TTC39B: variants seen among roughly 807,000 people sequenced by gnomAD.
TTC39B encodes tetratricopeptide repeat domain 39B.
Under a neutral mutation model 96.6 loss-of-function variants are expected in TTC39B, and 92 were observed. The observed-to-expected ratio is 0.95, with a 90% CI of 0.80 to 1.13. The LOEUF (loss-of-function observed/expected upper bound fraction) is 1.13, where lower values mean the gene tolerates loss of function less well. Among genes scored for constraint, TTC39B ranks in the 50% most tolerant of loss-of-function variants. The pLI, the probability that TTC39B is intolerant of heterozygous loss-of-function variation, is 0.00. For missense variants in TTC39B, 955 were observed against 809.3 expected (o/e 1.18, Z -2.18); for synonymous variants, 367 against 299.4 (o/e 1.23, Z -2.33).
At chr9:15,193,921 A>G (rs1819002724) in intron 8 of TTC39B, among the ~76,000 whole-genome samples, 1 of 152,214 alleles carries the variant, frequency 6.6e-6, no homozygotes. Context: ...TTCCGAATGA[A>G]AAGAGACTAA....
chr9:15,172,191 T>A (rs1817697891), intron 19 of TTC39B, 82 bp from the exon 20 acceptor site: 1 of 913,182 alleles, frequency 1.1e-6, no homozygotes, highest in Admixed American at 2.0e-5. Context: ...CTCTCTCTGA[T>A]CTACTTACTT....
intron 2 of TTC39B, among the ~76,000 whole-genome samples, chr9:15,252,717 T>G (rs1216530164): frequency 6.6e-6 from 1 of 152,210 alleles, no homozygotes; most frequent in African/African-American, 2.4e-5. Context: ...GTTAGTGATG[T>G]GTATCCAAAA....
At chr9:15,182,367 C>T (rs1818292829) in exon 17 of TTC39B, 1 of 1,611,870 alleles carries the variant, frequency 6.2e-7, no homozygotes, top group Admixed American at 1.7e-5. Context: ...TCAGAAAGGT[C>T]TTTTCTTTTG....
At chr9:15,201,235 T>A (rs1487554704) in intron 7 of TTC39B, among the ~76,000 whole-genome samples, 3 of 151,570 alleles carry the variant, frequency 2.0e-5, no homozygotes, top group African/African-American at 4.8e-5. Context: ...GAAAAGAATT[T>A]CTTAAATTAG....
At chr9:15,178,007 C>T (rs1257934174) in intron 17 of TTC39B, among the ~76,000 whole-genome samples, 193 bp from the exon 18 acceptor site, 6 of 151,500 alleles carry the variant, frequency 4.0e-5, no homozygotes, top group Admixed American at 3.3e-4. Flanking sequence ...GTAGCTGGGA[C>T]TACAGGTGCC....
intron 2 of TTC39B, among the ~76,000 whole-genome samples, chr9:15,236,160 G>C (rs1187003198): frequency 6.6e-6 from 1 of 152,164 alleles, no homozygotes; most frequent in African/African-American, 2.4e-5. Flanking sequence ...AAGTGAGCAG[G>C]AGTGACTATT....
intron 2 of TTC39B, chr9:15,250,078 T>C (rs1434210693): frequency 7.8e-7 from 1 of 1,280,802 alleles, no homozygotes; most frequent in Non-Finnish European, 1.0e-6. Flanking sequence ...TATTCCTTGG[T>C]CTCCAGTGAG....
intron 2 of TTC39B, among the ~76,000 whole-genome samples, chr9:15,242,984 T>C (rs1487988182): frequency 6.6e-6 from 1 of 152,184 alleles, no homozygotes; most frequent in East Asian, 1.9e-4. Flanking sequence ...CAGTGGAGAA[T>C]GCCAAGCCCT....
chr9:15,231,051 T>C lies in TTC39B; in HGVS notation c.276-5039A>G, dbSNP rs115991333. Among the ~76,000 whole-genome samples, 1,498 of 152,270 alleles carry C rather than the reference T, an allele frequency of 9.8e-3. 24 individuals carry two copies. The highest frequency in any genetic ancestry group is 0.034 in the African/African-American group (1,421 of 41,552). On this transcript the variant is annotated intron_variant, in intron 2 of 19. Coordinates refer to ENST00000512701, the Ensembl canonical transcript of TTC39B. ...TTTTCATTTCTCTTAATTATATATCTAGCATTGCTATGGAATGCTAAATTA... is the reference window on the plus strand; with the variant it reads ...TTTTCATTTCTCTTAATTATATATCCAGCATTGCTATGGAATGCTAAATTA...
intron 2 of TTC39B, among the ~76,000 whole-genome samples, chr9:15,263,267 T>C (rs1256645533): frequency 2.0e-5 from 3 of 152,232 alleles, no homozygotes; most frequent in African/African-American, 4.8e-5. Context: ...AAAGTACCGA[T>C]GTTCACTGAG....
exon 20 of TTC39B, chr9:15,166,440 T>A (rs185250614): frequency 6.6e-6 from 1 of 152,332 alleles, no homozygotes; most frequent in East Asian, 1.9e-4. Flanking sequence ...GCCATCTCAG[T>A]CCACTAAACA....
intron 2 of TTC39B, among the ~76,000 whole-genome samples, chr9:15,236,319 C>A (rs1318597048): frequency 6.6e-6 from 1 of 152,142 alleles, no homozygotes; most frequent in African/African-American, 2.4e-5. Context: ...CCAGATTTAT[C>A]AAACAAATGC....
At chr9:15,272,066 A>G (rs116984956) in intron 1 of TTC39B, among the ~76,000 whole-genome samples, 1 of 152,114 alleles carries the variant, frequency 6.6e-6, no homozygotes, top group Non-Finnish European at 1.5e-5. Flanking sequence ...CTACAGAAAG[A>G]CCAGTGCTTC....
intron 1 of TTC39B, among the ~76,000 whole-genome samples, chr9:15,288,921 G>C (rs1406960072): frequency 1.7e-4 from 26 of 152,242 alleles, no homozygotes; most frequent in Admixed American, 1.7e-3. Flanking sequence ...CATCCCATGA[G>C]GGGAGTCAGG....
chr9:15,229,717 G>C (rs922131319), intron 2 of TTC39B, among the ~76,000 whole-genome samples: 3 of 152,114 alleles, frequency 2.0e-5, no homozygotes, highest in African/African-American at 4.8e-5. Flanking sequence ...GTCTGTTTCT[G>C]GGCATTCTTT....
chr9:15,241,982 T>C (rs1326742321), intron 2 of TTC39B, among the ~76,000 whole-genome samples: 1 of 152,052 alleles, frequency 6.6e-6, no homozygotes, highest in Non-Finnish European at 1.5e-5. Context: ...CTGACCTCAG[T>C]TGATCCACCT....
chr9:15,188,140 T>A lies in TTC39B; in HGVS notation c.1234-8A>T. The stretch of plus-strand genomic sequence containing the variant: ...TTGAAATACTTCTTGTGCCTGTAAA[T>A]CAAGTACACAAAGTTGATCGTCCAG... On this transcript the variant is annotated splice_region_variant and splice_polypyrimidine_tract_variant and intron_variant, in intron 13 of 19. Coordinates refer to ENST00000512701, the Ensembl canonical transcript of TTC39B. 2 of 1,588,450 alleles carry A rather than the reference T, an allele frequency of 1.3e-6. No homozygotes were observed. Among genetic ancestry groups the A allele is most frequent in the South Asian group, 1.2e-5 (1 of 85,476 alleles).
chr9:15,234,407 G>A (rs1183297555), intron 2 of TTC39B, among the ~76,000 whole-genome samples: 5 of 150,090 alleles, frequency 3.3e-5, no homozygotes, highest in Non-Finnish European at 5.9e-5. Flanking sequence ...GAGGGAGGTG[G>A]GGGGGTCAGC....
At chr9:15,254,719 A>G (rs180823882) in intron 2 of TTC39B, among the ~76,000 whole-genome samples, 1 of 152,196 alleles carries the variant, frequency 6.6e-6, no homozygotes, top group Non-Finnish European at 1.5e-5. Flanking sequence ...AATTATTTTA[A>G]TCAAAGCAAA....
Sources: allele counts gnomAD v4.1 joint callset (sites outside exome capture counted in the v4.1 genomes callset), GRCh38; gene constraint gnomAD v4.1.1; transcripts MANE v1.5; gene names NCBI Gene and HGNC (gene_info 2026-07-23, HGNC 2026-07-21).